The following CEP164 variants were observed in gnomAD, a reference collection of about 807,000 sequenced individuals.
The protein encoded by CEP164 is centrosomal protein 164, also known as centrosomal protein of 164 kDa.
CEP164 carries 162 observed loss-of-function variants against 182.7 expected under a neutral mutation model. The ratio of observed to expected loss-of-function variants is 0.89; its 90% confidence interval spans 0.78 to 1.01. The LOEUF is 1.01. Ranked by LOEUF, CEP164 falls within the 50% of genes least tolerant of loss-of-function variation. The pLI is 0.00. For missense variants in CEP164, 1,735 were observed against 1,790.4 expected, an observed-to-expected ratio of 0.97 and a Z score of 0.56; for synonymous variants, 661 against 690.0, an observed-to-expected ratio of 0.96 and a Z score of 0.66.
chr11:117,399,742 T>C (rs1164823912), intron 27 of CEP164, among the ~76,000 whole-genome samples: 6 of 151,608 alleles, frequency 4.0e-5, no homozygotes, highest in Non-Finnish European at 7.4e-5. Context: ...CCAGTGATGA[T>C]GAGCTTTTTT....
intron 8 of CEP164, among the ~76,000 whole-genome samples, chr11:117,368,926 G>A (rs549687298): frequency 3.9e-5 from 6 of 152,260 alleles, no homozygotes; most frequent in East Asian, 1.9e-4. Context: ...AGCTTCCTTC[G>A]TGCCTTCTCT....
intron 4 of CEP164, among the ~76,000 whole-genome samples, chr11:117,347,000 T>C (rs2038989376): frequency 6.6e-6 from 1 of 152,200 alleles, no homozygotes; most frequent in Admixed American, 6.5e-5. Context: ...TCTTTTAATA[T>C]ACATGTATGC....
chr11:117,396,763 T>A (rs2045531183), intron 26 of CEP164, 152 bp downstream of exon 26: 2 of 706,172 alleles, frequency 2.8e-6, no homozygotes, highest in Non-Finnish European at 5.0e-6. Flanking sequence ...GATTAAGGAA[T>A]CTTCTCTGGC....
chr11:117,379,264 G>A (rs2043065110), intron 11 of CEP164, among the ~76,000 whole-genome samples: 2 of 152,202 alleles, frequency 1.3e-5, no homozygotes, highest in Admixed American at 6.5e-5. Context: ...GGGGAGCTGG[G>A]TTTTAGTTCA....
rs76025744 is a variant in CEP164 at position 117,357,274 on chromosome 11, T to A, written c.394-4561T>A. 3.5e-3 allele frequency among the ~76,000 whole-genome samples: 536 copies of A among 151,972 alleles called. 24 individuals carry two copies. In the East Asian group the frequency reaches 0.07, roughly 20 times the overall value. On this transcript the variant is annotated intron_variant, in intron 5 of 32. Coordinates refer to ENST00000278935, the MANE Select transcript of CEP164 (RefSeq NM_014956.5). Reference sequence around the variant, plus strand: ...GGTGCTCACCACCACTCCCAGCCAATTTTTTTGTGTTTTTAGTAGAAATGG... The same window carrying A: ...GGTGCTCACCACCACTCCCAGCCAAATTTTTTGTGTTTTTAGTAGAAATGG...
chr11:117,409,034 T>C lies in CEP164; in HGVS notation c.3748+6T>C, dbSNP rs541792025. On this transcript the variant is annotated splice_donor_region_variant and intron_variant, in intron 29 of 32. Coordinates refer to ENST00000278935, the MANE Select transcript of CEP164 (RefSeq NM_014956.5). This position sits in a 1 kb window ranked among gnomAD's most constrained non-coding sequence, Gnocchi z 4.4. The stretch of plus-strand genomic sequence containing the variant: ...GTGGTGGCGGCAGCAGAGGAGTGAG[T>C]GGGGGAGATGCGGGGTGAGGACCAT... The C allele has an allele frequency of 6.2e-7, 1 of 1,613,202 alleles. No homozygotes were observed. The highest frequency in any genetic ancestry group is 1.3e-5 in the African/African-American group (1 of 74,728).
chr11:117,343,420 C>G (rs1046672194), intron 3 of CEP164, among the ~76,000 whole-genome samples: 20 of 152,276 alleles, frequency 1.3e-4, no homozygotes, highest in African/African-American at 4.8e-4. Flanking sequence ...TTGTAATGTC[C>G]TCAAGGAGCT....
intron 9 of CEP164, among the ~76,000 whole-genome samples, chr11:117,372,473 A>G (rs1386338508): frequency 6.7e-6 from 1 of 149,636 alleles, no homozygotes; most frequent in Admixed American, 6.7e-5. Context: ...GCTGGAGTGC[A>G]GTGGTGCGAT....
intron 5 of CEP164, chr11:117,356,057 C>A (rs61903740): frequency 0.031 from 34,687 of 1,108,860 alleles, 663 homozygotes; most frequent in Non-Finnish European, 0.035. Context: ...CTCTCCTGTC[C>A]TGGATGAGGT....
Position 117,396,606 on chromosome 11 carries a change from G to C in CEP164, c.3273G>C (p.Leu1091Phe). The C allele has an allele frequency of 6.2e-7, 1 of 1,612,646 alleles. No individual in the cohort carries two copies. The highest frequency in any genetic ancestry group is 8.5e-7 in the Non-Finnish European group (1 of 1,178,670). ...CCCAGAGCAAGGAGGACTTATACTT[G>C]GACAGGTGAGTTCCCATAGCCTGTC... The part of the protein sequence containing the change: ...SLSQSKEDLY[L>F]DSLSSHNVWH... Residue 1091 changes from leucine (L) to phenylalanine (F), a missense_variant, in exon 26 of 33, where the codon TTG becomes TTC. By Grantham distance (22) the Leu-to-Phe change is conservative. Coordinates refer to ENST00000278935, the MANE Select transcript of CEP164 (RefSeq NM_014956.5).
chr11:117,412,466 G>A lies in CEP164; in HGVS notation c.*298G>A, dbSNP rs190653376. ...GGAGCCCTTTGGGAGGAAGGGAGGCGTTAGAGGAGCTGCCTTCGGAGGCTC... is the reference window on the plus strand; with the variant it reads ...GGAGCCCTTTGGGAGGAAGGGAGGCATTAGAGGAGCTGCCTTCGGAGGCTC... On this transcript the variant is annotated 3_prime_UTR_variant, in exon 33 of 33. Transcript: ENST00000278935. 1.6e-4 allele frequency: 47 copies of A among 299,418 alleles called. No individual in the cohort carries two copies. The highest frequency in any genetic ancestry group is 2.3e-4 in the East Asian group (3 of 12,794). 18.5% of individuals were successfully genotyped at this position (299,418 alleles called of 1,614,324 possible).
At position 117,394,944 on chromosome 11, in the gene CEP164, T is replaced by C. The variant is rs781660466; in HGVS notation, c.2785T>C (p.Leu929=). The change falls in exon 22 of 33, where the codon TTG becomes CTG. Residue 929 remains leucine, a synonymous_variant. Coordinates refer to ENST00000278935, the MANE Select transcript of CEP164 (RefSeq NM_014956.5). This position sits in a 1 kb window ranked among gnomAD's most constrained non-coding sequence, Gnocchi z 4.0. The part of the protein sequence containing the change: ...EQERKLQDLE[L]DLETRAKDVK... The stretch of plus-strand genomic sequence containing the variant: ...GGAAAGGAAGCTCCAGGATTTAGAG[T>C]TGGACCTTGAAACCAGAGCTAAAGA... 5 of 1,614,040 alleles carry C rather than the reference T, an allele frequency of 3.1e-6. No homozygotes were observed. The highest frequency in any genetic ancestry group is 1.3e-5 in the African/African-American group (1 of 74,928).
At chr11:117,363,584 T>C in intron 8 of CEP164, 78 bp downstream of exon 8, 1 of 1,006,238 alleles carries the variant, frequency 9.9e-7, no homozygotes, top group Non-Finnish European at 1.5e-6. Flanking sequence ...TGCTACTTTG[T>C]TGTAATGCAT....
chr11:117,390,657 A>AAT, intron 15 of CEP164, 120 bp from the exon 16 acceptor site: 16 of 1,061,592 alleles, frequency 1.5e-5, no homozygotes, highest in Non-Finnish European at 1.9e-5. Flanking sequence ...AAAAAAAAAA[A>AAT]GATTTAGGAA....
At chr11:117,376,060 A>G (rs997302466) in intron 11 of CEP164, among the ~76,000 whole-genome samples, 1 of 152,158 alleles carries the variant, frequency 6.6e-6, no homozygotes, top group Non-Finnish European at 1.5e-5. Context: ...GCTCATGTGC[A>G]AAGCGCTGTG....
Position 117,371,299 on chromosome 11 carries a change from A to G in CEP164, c.985A>G (p.Thr329Ala), listed in dbSNP as rs760876740. 6.8e-6 allele frequency: 11 copies of G among 1,613,986 alleles called. No individual in the cohort carries two copies. The highest frequency in any genetic ancestry group is 2.2e-5 in the East Asian group (1 of 44,874). ...SEPKICRNLV[T>A]PKADPTGSEP... ...ACCTAAGATTTGCAGGAATCTGGTG[A>G]CCCCCAAGGCAGACCCTACAGGCAG... The change falls in exon 9 of 33, where the codon ACC becomes GCC. Residue 329 changes from threonine to alanine, a missense_variant. Coordinates refer to ENST00000278935, the MANE Select transcript of CEP164 (RefSeq NM_014956.5).
At chr11:117,382,645 C>T (rs1328600774) in intron 13 of CEP164, 151 bp from the exon 14 acceptor site, 6 of 788,202 alleles carry the variant, frequency 7.6e-6, no homozygotes, top group East Asian at 2.5e-5. Context: ...AGAGGAAGGG[C>T]GGGGAGAGGG....
rs116153364 is a variant in CEP164 at position 117,376,510 on chromosome 11, A to G, written c.1317+719A>G. ...TTGGTTAGAAGAGCAGTTCTGGCAC[A>G]TGATCTCTGCAAGTGTAAGGGAACA... On this transcript the variant is annotated intron_variant, in intron 11 of 32. Coordinates refer to ENST00000278935, the MANE Select transcript of CEP164 (RefSeq NM_014956.5). Among the ~76,000 whole-genome samples the G allele has an allele frequency of 5.1e-3, 775 of 152,358 alleles. 7 individuals carry two copies. Among genetic ancestry groups the G allele is most frequent in the African/African-American group, 0.017 (708 of 41,588 alleles).
At chr11:117,338,452 A>G in intron 2 of CEP164, 114 bp from the exon 3 acceptor site, 3 of 742,148 alleles carry the variant, frequency 4.0e-6, no homozygotes, top group East Asian at 2.5e-5. Flanking sequence ...GCCCTGGCCA[A>G]ATTGCTCTGC....
Sources: allele counts gnomAD v4.1 joint callset (sites outside exome capture counted in the v4.1 genomes callset), GRCh38; gene constraint gnomAD v4.1.1; non-coding constraint Gnocchi (gnomAD v3.1); transcripts MANE v1.5; gene names NCBI Gene and HGNC (gene_info 2026-07-23, HGNC 2026-07-21).